MCU: variants seen among roughly 807,000 people sequenced by gnomAD.
The protein encoded by MCU is mitochondrial calcium uniporter, also known as calcium uniporter protein, mitochondrial.
Under a neutral mutation model 45.2 loss-of-function variants are expected in MCU, and 12 were observed. The ratio of observed to expected loss-of-function variants is 0.27; its 90% CI spans 0.17 to 0.43. The LOEUF (loss-of-function observed/expected upper bound fraction) is 0.43. Among genes scored for constraint, MCU ranks in the 20% least tolerant of loss-of-function variants. MCU has a pLI of 1.00. For missense variants in MCU, 324 were observed against 436.7 expected (o/e 0.74, Z 2.30); for synonymous variants, 160 against 165.1 (o/e 0.97, Z 0.24).
chr10:72,804,058 AT>A (rs1844387631), intron 1 of MCU, among the ~76,000 whole-genome samples: 24 of 80,250 alleles, frequency 3.0e-4, no homozygotes, highest in South Asian at 1.1e-3. Flanking sequence ...ATATATATAT[AT>A]ATATATATAT....
chr10:72,715,890 T>C, intron 1 of MCU: 1 of 985,630 alleles, frequency 1.0e-6, no homozygotes, highest in Middle Eastern at 5.2e-4. Context: ...AGGGGAAACT[T>C]GAACATTCGC....
chr10:72,794,246 A>G (rs1844211003), intron 1 of MCU, among the ~76,000 whole-genome samples: 2 of 152,170 alleles, frequency 1.3e-5, no homozygotes, highest in African/African-American at 4.8e-5. Context: ...TCTGCCCCAC[A>G]TATACACAAC....
chr10:72,848,988 T>C (rs1845164416), intron 2 of MCU, among the ~76,000 whole-genome samples: 1 of 151,650 alleles, frequency 6.6e-6, no homozygotes, highest in African/African-American at 2.4e-5. Context: ...GTTTAAAAAA[T>C]AGAATGAAAG....
At chr10:72,884,169 C>A in intron 6 of MCU, 97 bp from the exon 7 acceptor site, 1 of 743,680 alleles carries the variant, frequency 1.3e-6, no homozygotes, top group Non-Finnish European at 2.4e-6. Flanking sequence ...TGTCAGCACA[C>A]ACGCATACAT....
chr10:72,773,272 A>G (rs1267502913), intron 1 of MCU, among the ~76,000 whole-genome samples: 1 of 152,236 alleles, frequency 6.6e-6, no homozygotes, highest in Non-Finnish European at 1.5e-5. Flanking sequence ...TATCAGAGAA[A>G]TTTAACAAAG....
intron 1 of MCU, among the ~76,000 whole-genome samples, chr10:72,818,162 A>T (rs999914568): frequency 6.6e-6 from 1 of 152,192 alleles, no homozygotes; most frequent in Non-Finnish European, 1.5e-5. Context: ...AGATTGAAAA[A>T]TTTGATTTAA....
intron 1 of MCU, among the ~76,000 whole-genome samples, chr10:72,719,679 T>C (rs1842996105): frequency 6.6e-6 from 1 of 152,232 alleles, no homozygotes. Context: ...ATTTTTCTTA[T>C]TGTCACTTTT....
chr10:72,781,612 T>TA (rs1387484105), intron 1 of MCU, among the ~76,000 whole-genome samples: 1 of 152,244 alleles, frequency 6.6e-6, no homozygotes, highest in Non-Finnish European at 1.5e-5. Flanking sequence ...CTGCAAAACT[T>TA]AAGCAGATGT....
chr10:72,718,554 A>ATATT lies in MCU; in HGVS notation c.150+26258_150+26261dup, dbSNP rs562031630. The stretch of plus-strand genomic sequence containing the variant: ...CATATTTCCCTATGAAGATTTAAAA[A>ATATT]TATTTATTCCTTAAAAGTTCATTAG... On this transcript the variant is annotated intron_variant, in intron 1 of 7. Transcript: ENST00000373053. 8.1e-4 allele frequency among the ~76,000 whole-genome samples: 124 copies of ATATT among 152,336 alleles called. 2 individuals carry two copies. In the East Asian group the frequency reaches 0.011, roughly 13 times the overall value.
At chr10:72,819,727 CTTTTTTTTTT>C (rs71021538) in intron 1 of MCU, among the ~76,000 whole-genome samples, 1 of 102,602 alleles carries the variant, frequency 9.7e-6, no homozygotes, top group Non-Finnish European at 1.9e-5. Context: ...TTTTTCCAGT[CTTTTTTTTTT>C]TTTTTTTTTT....
At chr10:72,832,183 C>T (rs1458015396) in intron 1 of MCU, among the ~76,000 whole-genome samples, 1 of 152,176 alleles carries the variant, frequency 6.6e-6, no homozygotes, top group East Asian at 1.9e-4. Context: ...AGTCCTCTCA[C>T]TCAGCCTCCC....
At chr10:72,829,303 A>G (rs949166959) in intron 1 of MCU, among the ~76,000 whole-genome samples, 1 of 140,592 alleles carries the variant, frequency 7.1e-6, no homozygotes, top group Non-Finnish European at 1.6e-5. Context: ...AGCCTGGGCA[A>G]CAGAGAGAGA....
At chr10:72,778,205 T>G (rs1397966443) in intron 1 of MCU, among the ~76,000 whole-genome samples, 1 of 152,164 alleles carries the variant, frequency 6.6e-6, no homozygotes, top group East Asian at 1.9e-4. Flanking sequence ...AATCAATATT[T>G]TTAAGGGTTA....
At chr10:72,692,340 C>A (rs1842633485) in intron 1 of MCU, 39 bp downstream of exon 1, 2 of 1,187,202 alleles carry the variant, frequency 1.7e-6, no homozygotes, top group South Asian at 8.4e-5. Flanking sequence ...GAGGGCGGGG[C>A]GGCGCTGGCG....
chr10:72,697,594 C>G (rs576975660), intron 1 of MCU, among the ~76,000 whole-genome samples: 1 of 151,674 alleles, frequency 6.6e-6, no homozygotes, highest in Non-Finnish European at 1.5e-5. Flanking sequence ...CCACCACGCC[C>G]GGCTAATGTT....
intron 1 of MCU, among the ~76,000 whole-genome samples, chr10:72,745,280 G>A (rs1299951205): frequency 6.6e-6 from 1 of 152,054 alleles, no homozygotes; most frequent in Non-Finnish European, 1.5e-5. Context: ...CCAAGCTGGA[G>A]TGCAATGGCA....
intron 1 of MCU, among the ~76,000 whole-genome samples, chr10:72,806,662 A>G (rs1263079386): frequency 1.3e-5 from 2 of 152,260 alleles, no homozygotes; most frequent in African/African-American, 2.4e-5. Flanking sequence ...TCAATAAGAA[A>G]GAATCACATA....
chr10:72,827,073 A>G (rs892182395), intron 1 of MCU, among the ~76,000 whole-genome samples: 4 of 152,198 alleles, frequency 2.6e-5, no homozygotes, highest in Admixed American at 2.6e-4. Flanking sequence ...GGCTTCAGGC[A>G]TCCATTGAGA....
chr10:72,862,342 C>T (rs1845391735), intron 4 of MCU, among the ~76,000 whole-genome samples: 1 of 152,152 alleles, frequency 6.6e-6, no homozygotes, highest in Non-Finnish European at 1.5e-5. Flanking sequence ...TAACTCACTG[C>T]TGTTGTTAAT....
Sources: allele counts gnomAD v4.1 joint callset (sites outside exome capture counted in the v4.1 genomes callset), GRCh38; gene constraint gnomAD v4.1.1; transcripts MANE v1.5; gene names NCBI Gene and HGNC (gene_info 2026-07-23, HGNC 2026-07-21).